The following BACH1 variants were observed in gnomAD, a reference collection of about 807,000 sequenced individuals.
BACH1 encodes the protein transcription regulator protein BACH1.
In BACH1, 35 loss-of-function variants were observed where a neutral mutation model predicts 52.9. That is an observed-to-expected ratio of 0.66 (90% CI 0.51 to 0.88). The LOEUF (loss-of-function observed/expected upper bound fraction) is 0.88. BACH1 is among the 40% of genes least tolerant of loss of function. BACH1 has a pLI of 0.00. For synonymous variants in BACH1, 321 were observed against 319.6 expected, an observed-to-expected ratio of 1.00 and a Z score of -0.05; for missense variants, 808 against 872.6, an observed-to-expected ratio of 0.93 and a Z score of 0.93.
intron 2 of BACH1, among the ~76,000 whole-genome samples, 156 bp downstream of exon 2, chr21:29,321,670 T>A (rs377344814): frequency 6.6e-6 from 1 of 151,872 alleles, no homozygotes; most frequent in African/African-American, 2.4e-5. Flanking sequence ...TTAGTTTTTT[T>A]AATGTAAAAT....
intron 2 of BACH1, among the ~76,000 whole-genome samples, chr21:29,358,812 A>AAGAGAG (rs1555888596): frequency 4.8e-5 from 7 of 146,450 alleles, no homozygotes; most frequent in Non-Finnish European, 9.1e-5. Context: ...GAAAGAAAGA[A>AAGAGAG]AGAAGAAAGA....
chr21:29,332,287 A>G (rs1208730866), intron 4 of BACH1, among the ~76,000 whole-genome samples: 6 of 152,152 alleles, frequency 3.9e-5, no homozygotes, highest in Non-Finnish European at 8.8e-5. Context: ...CCTAAACTGT[A>G]AACTCTGTGT....
chr21:29,335,700 A>C (rs952503738), intron 4 of BACH1, among the ~76,000 whole-genome samples: 4 of 151,982 alleles, frequency 2.6e-5, no homozygotes, highest in Non-Finnish European at 5.9e-5. Flanking sequence ...TTGTCTCTCC[A>C]CCTCAGATCA....
In BACH1 at chr21:29,321,503, C is replaced by G; in HGVS notation, c.223C>G (p.Leu75Val). The stretch of plus-strand genomic sequence containing the variant: ...GGCTGATGGAGAGCTGAACATTACT[C>G]TTCCAGAAGAGGTGAGAGATCCATG... ...GQADGELNITLPEEVTVKGFE... is the reference protein window; with the variant it reads ...GQADGELNITVPEEVTVKGFE... Residue 75 changes from leucine (L) to valine (V), a missense_variant, in exon 2 of 5, where the codon CTT becomes GTT. By Grantham distance (32) the Leu-to-Val change is conservative. Coordinates refer to ENST00000286800, the MANE Select transcript of BACH1 (RefSeq NM_001186.4). 5 of 1,613,380 alleles carry G rather than the reference C, an allele frequency of 3.1e-6. No homozygotes were observed. The highest frequency in any genetic ancestry group is 4.2e-6 in the Non-Finnish European group (5 of 1,179,314).
chr21:29,305,974 C>T (rs1189557426), intron 1 of BACH1, among the ~76,000 whole-genome samples: 1 of 152,110 alleles, frequency 6.6e-6, no homozygotes, highest in Non-Finnish European at 1.5e-5. Context: ...ATAGTAGCAA[C>T]ATGTAAAATG....
At chr21:29,308,816 AC>A (rs2088687670) in intron 1 of BACH1, among the ~76,000 whole-genome samples, 1 of 152,252 alleles carries the variant, frequency 6.6e-6, no homozygotes, top group South Asian at 2.1e-4. Flanking sequence ...GTAGTGAAAT[AC>A]TTCCTAGTGT....
chr21:29,303,683 A>AT (rs1355825447), intron 1 of BACH1, among the ~76,000 whole-genome samples: 14 of 152,216 alleles, frequency 9.2e-5, no homozygotes, highest in African/African-American at 3.4e-4. Context: ...TTTACCCATA[A>AT]TTGGATTAGA....
chr21:29,322,147 T>G (rs994995282), intron 2 of BACH1, among the ~76,000 whole-genome samples: 6 of 152,168 alleles, frequency 3.9e-5, no homozygotes, highest in African/African-American at 1.2e-4. Flanking sequence ...GCCCCTGTGA[T>G]TCAGTGACCT....
chr21:29,346,234 T>C (rs1393474612), downstream of BACH1: 1 of 151,952 alleles, frequency 6.6e-6, no homozygotes, highest in Non-Finnish European at 1.5e-5. Context: ...TATATCTGAA[T>C]TTGTAGGAGA....
At chr21:29,335,685 C>T (rs765043030) in intron 4 of BACH1, among the ~76,000 whole-genome samples, 2 of 152,156 alleles carry the variant, frequency 1.3e-5, no homozygotes, top group East Asian at 1.9e-4. Flanking sequence ...TTGATCTTTC[C>T]GCCTTTGTCT....
intron 1 of BACH1, among the ~76,000 whole-genome samples, chr21:29,300,374 A>G (rs1191724702): frequency 6.6e-6 from 1 of 152,214 alleles, no homozygotes; most frequent in Non-Finnish European, 1.5e-5. Context: ...AAATACTCTC[A>G]TCACATGCCT....
chr21:29,301,302 G>A (rs1310305970), intron 1 of BACH1, among the ~76,000 whole-genome samples: 2 of 152,160 alleles, frequency 1.3e-5, no homozygotes, highest in Non-Finnish European at 1.5e-5. Flanking sequence ...TAAAGATGCA[G>A]ACTAACAATC....
chr21:29,309,266 A>C (rs1015041843), intron 1 of BACH1, among the ~76,000 whole-genome samples: 6 of 151,940 alleles, frequency 3.9e-5, no homozygotes, highest in Non-Finnish European at 8.8e-5. Flanking sequence ...TCAAAAAAAA[A>C]AAAAAAAGAA....
At chr21:29,351,654 G>A (rs1250905608) in intron 2 of BACH1, 1 of 534,590 alleles carries the variant, frequency 1.9e-6, no homozygotes, top group Non-Finnish European at 3.8e-6. Context: ...AAAATCTGAT[G>A]TGCCAAGAAG....
At chr21:29,346,873 G>A (rs1463424007), downstream of BACH1, among the ~76,000 whole-genome samples, 3 of 152,080 alleles carry the variant, frequency 2.0e-5, no homozygotes, top group Non-Finnish European at 4.4e-5. Context: ...GATGGTCTCT[G>A]GGGAGAGGAG....
chr21:29,346,275 C>CT (rs1224230183), downstream of BACH1: 1 of 76,444 alleles, frequency 1.3e-5, no homozygotes, highest in African/African-American at 8.3e-5. Flanking sequence ...ATAATCATGC[C>CT]TCAAAAAAAA....
intron 2 of BACH1, among the ~76,000 whole-genome samples, chr21:29,322,325 C>T (rs1051022514): frequency 3.9e-5 from 6 of 152,156 alleles, no homozygotes; most frequent in Non-Finnish European, 7.3e-5. Context: ...GTTCTGTCTC[C>T]CCTTCTTTCT....
At position 29,345,161 on chromosome 21, in the gene BACH1, TA is replaced by T. The variant is rs536658555; in HGVS notation, c.*2334del. 3.1e-4 allele frequency: 47 copies of T among 152,744 alleles called. No individual in the cohort carries two copies. Among genetic ancestry groups the T allele is most frequent in the African/African-American group, 1.1e-3 (44 of 41,572 alleles). 9.5% of individuals were successfully genotyped at this position (152,744 alleles called of 1,614,324 possible). On this transcript the variant is annotated 3_prime_UTR_variant, in exon 5 of 5. Coordinates refer to ENST00000286800, the MANE Select transcript of BACH1 (RefSeq NM_001186.4). ...TCAAGTTGTAATGCAGATGGACAGATAAAAAAGATTTTACGTTTGTCTTTTG... is the reference window on the plus strand; with the variant it reads ...TCAAGTTGTAATGCAGATGGACAGATAAAAAGATTTTACGTTTGTCTTTTG...
chr21:29,352,678 A>G (rs1387552785), intron 2 of BACH1: 1 of 150,968 alleles, frequency 6.6e-6, no homozygotes, highest in Admixed American at 6.6e-5. Flanking sequence ...GTGCCACCAC[A>G]CTTGGCTAAT....
Sources: allele counts gnomAD v4.1 joint callset (sites outside exome capture counted in the v4.1 genomes callset), GRCh38; gene constraint gnomAD v4.1.1; transcripts MANE v1.5; gene names NCBI Gene and HGNC (gene_info 2026-07-23, HGNC 2026-07-21).